The following MAGI1 variants were observed in gnomAD, a reference collection of about 807,000 sequenced individuals.
MAGI1 encodes the protein membrane associated guanylate kinase, WW and PDZ domain containing 1.
In MAGI1, 58 loss-of-function variants were observed where a neutral mutation model predicts 139.9. That is an observed-to-expected ratio of 0.41 (90% confidence interval 0.34 to 0.52). The LOEUF is 0.52. MAGI1 is among the 20% of genes least tolerant of loss of function. The pLI is 0.12. For synonymous variants in MAGI1, 812 were observed against 737.9 expected (o/e 1.10, Z -1.63); for missense variants, 1,874 against 1,901.6 (o/e 0.99, Z 0.27).
rs534876263 is a variant in MAGI1 at position 65,834,058 on chromosome 3, T to C, written c.313+203938A>G. ...CCTGTGGTGAACACAACACATGTAA[T>C]TCCCACTTTTCTGCAGCTGAAATTC... On this transcript the variant is annotated intron_variant, in intron 1 of 22. Coordinates refer to ENST00000402939, the MANE Select transcript of MAGI1 (RefSeq NM_001033057.2). 2.0e-4 allele frequency among the ~76,000 whole-genome samples: 30 copies of C among 152,320 alleles called. No homozygotes were observed. The East Asian group carries it at 4.4e-3, about 23-fold the overall frequency.
rs146403163 is a variant in MAGI1, at chr3:65,881,789, C to T, written c.313+156207G>A. 1.3e-4 allele frequency among the ~76,000 whole-genome samples: 20 copies of T among 152,270 alleles called. 1 individual carries two copies. The highest frequency in any genetic ancestry group is 3.6e-4 in the African/African-American group (15 of 41,556). On this transcript the variant is annotated intron_variant, in intron 1 of 22. Coordinates refer to ENST00000402939, the MANE Select transcript of MAGI1 (RefSeq NM_001033057.2). ...ATTCAGCTCCTAGTGTTCATCCAAGCACTTTTTTTTAGCAACTGGGCTGAA... is the reference window on the plus strand; with the variant it reads ...ATTCAGCTCCTAGTGTTCATCCAAGTACTTTTTTTTAGCAACTGGGCTGAA...
rs547224843 is a variant in MAGI1, at chr3:65,727,894, T to G, written c.314-105806A>C. Among the ~76,000 whole-genome samples, 5 of 152,206 alleles carry G rather than the reference T, an allele frequency of 3.3e-5. No individual in the cohort carries two copies. In the East Asian group the frequency reaches 9.6e-4, roughly 29 times the overall value. On this transcript the variant is annotated intron_variant, in intron 1 of 22. Transcript: ENST00000402939. The stretch of plus-strand genomic sequence containing the variant: ...GAAAATTATGTTATACTTTTAAGGA[T>G]GATATATCAATCCGGGTGATGTCAG...
intron 2 of MAGI1, among the ~76,000 whole-genome samples, chr3:65,576,407 T>A (rs914479587): frequency 3.9e-5 from 6 of 152,134 alleles, no homozygotes; most frequent in African/African-American, 1.4e-4. Flanking sequence ...TGCTAATCAA[T>A]CCCCGCACTC....
intron 2 of MAGI1, among the ~76,000 whole-genome samples, chr3:65,599,393 C>A (rs2082378001): frequency 2.0e-5 from 3 of 152,152 alleles, no homozygotes; most frequent in Non-Finnish European, 4.4e-5. Context: ...TAAACCTAGG[C>A]ATGTCCATCT....
At chr3:65,400,882 G>A (rs765705840) in intron 13 of MAGI1, among the ~76,000 whole-genome samples, 1 of 149,882 alleles carries the variant, frequency 6.7e-6, no homozygotes, top group African/African-American at 2.5e-5. Context: ...CTCAGTGCTG[G>A]GGCAGTGAAC....
intron 12 of MAGI1, among the ~76,000 whole-genome samples, chr3:65,427,564 C>G (rs1947145269): frequency 1.3e-5 from 2 of 152,124 alleles, no homozygotes; most frequent in African/African-American, 4.8e-5. Flanking sequence ...GTGGCTGAAT[C>G]AGAGGTGCAC....
intron 1 of MAGI1, among the ~76,000 whole-genome samples, chr3:65,875,364 A>G (rs1487568397): frequency 1.3e-5 from 2 of 152,232 alleles, no homozygotes; most frequent in African/African-American, 4.8e-5. Context: ...TAAACTTTAA[A>G]TGAGTGATTT....
chr3:65,995,302 C>T (rs1205837472), intron 1 of MAGI1, among the ~76,000 whole-genome samples: 1 of 152,178 alleles, frequency 6.6e-6, no homozygotes, highest in Non-Finnish European at 1.5e-5. Flanking sequence ...CACAATGGTG[C>T]TGTCCAGAGG....
At chr3:65,406,627 T>C (rs553892726) in intron 12 of MAGI1, among the ~76,000 whole-genome samples, 45 of 152,280 alleles carry the variant, frequency 3.0e-4, no homozygotes, top group Admixed American at 2.6e-3. Flanking sequence ...GTGTCACTAA[T>C]CCACATGTCA....
intron 1 of MAGI1, among the ~76,000 whole-genome samples, chr3:65,632,254 A>G (rs1259000194): frequency 6.6e-5 from 10 of 152,182 alleles, no homozygotes; most frequent in African/African-American, 2.4e-4. Flanking sequence ...CTCAACTGAC[A>G]ATTACAGTGT....
intron 9 of MAGI1, among the ~76,000 whole-genome samples, chr3:65,438,851 T>C (rs964113895): frequency 1.1e-4 from 17 of 152,236 alleles, no homozygotes; most frequent in Non-Finnish European, 1.6e-4. Context: ...TCTACAGCTA[T>C]TTGCATACTA....
chr3:65,811,781 C>T (rs2041250001), intron 1 of MAGI1, among the ~76,000 whole-genome samples: 1 of 151,872 alleles, frequency 6.6e-6, no homozygotes, highest in Admixed American at 6.6e-5. Flanking sequence ...TCCATTCTTG[C>T]CCAAGTGGCA....
chr3:65,621,604 G>A (rs1196329125), intron 2 of MAGI1, among the ~76,000 whole-genome samples: 1 of 152,138 alleles, frequency 6.6e-6, no homozygotes, highest in Non-Finnish European at 1.5e-5. Flanking sequence ...ATTAATAACA[G>A]CAAATGTTAA....
intron 1 of MAGI1, among the ~76,000 whole-genome samples, chr3:65,640,527 G>T (rs184722353): frequency 1.3e-5 from 2 of 152,044 alleles, no homozygotes; most frequent in South Asian, 2.1e-4. Flanking sequence ...CAGAAAAAGC[G>T]ACAAAGCTCC....
Position 65,429,995 on chromosome 3 carries a change from G to T in MAGI1, c.1692C>A (p.Asp564Glu). 6.2e-7 allele frequency: 1 copy of T among 1,613,938 alleles called. No individual in the cohort carries two copies. Among genetic ancestry groups the T allele is most frequent in the Non-Finnish European group, 8.5e-7 (1 of 1,179,930 alleles). Reference protein sequence around the residue: ...RGYPLPFDPDDPNTSLVTSVA... With the variant: ...RGYPLPFDPDEPNTSLVTSVA... ...CCGAGGTCACTAAACTTGTATTGGG[G>T]TCATCTGGATCAAAAGGCAATGGAT... Residue 564 changes from aspartate (D) to glutamate (E), a missense_variant, in exon 12 of 23, where the codon GAC (aspartate) becomes GAA (glutamate). By Grantham distance (45) the Asp-to-Glu change is conservative. Transcript: ENST00000402939.
chr3:65,702,600 T>C (rs1372368351), intron 1 of MAGI1, among the ~76,000 whole-genome samples: 1 of 152,146 alleles, frequency 6.6e-6, no homozygotes, highest in Non-Finnish European at 1.5e-5. Flanking sequence ...TGCTCTTGAC[T>C]CTTCTACACG....
chr3:65,669,206 A>G (rs2086706574), intron 1 of MAGI1, among the ~76,000 whole-genome samples: 1 of 152,132 alleles, frequency 6.6e-6, no homozygotes, highest in Non-Finnish European at 1.5e-5. Context: ...TACATTTTTA[A>G]CTGAAGAAAA....
chr3:65,637,651 C>T (rs932797853), intron 1 of MAGI1, among the ~76,000 whole-genome samples: 4 of 151,632 alleles, frequency 2.6e-5, no homozygotes, highest in African/African-American at 9.7e-5. Flanking sequence ...GTGATGATTC[C>T]AAATTGTTGA....
intron 1 of MAGI1, among the ~76,000 whole-genome samples, chr3:65,977,463 C>T (rs370950279): frequency 2.0e-5 from 3 of 152,292 alleles, no homozygotes; most frequent in Admixed American, 1.3e-4. Flanking sequence ...GTAATCCCAG[C>T]ACTTTGGGAG....
Sources: allele counts gnomAD v4.1 joint callset (sites outside exome capture counted in the v4.1 genomes callset), GRCh38; gene constraint gnomAD v4.1.1; transcripts MANE v1.5; gene names NCBI Gene and HGNC (gene_info 2026-07-23, HGNC 2026-07-21).